Variants in AURKC observed in about 807,000 individuals in gnomAD.
The protein encoded by AURKC is aurora kinase C.
Under a neutral mutation model 29.2 loss-of-function variants are expected in AURKC, and 15 were observed. The observed-to-expected ratio is 0.51, with a 90% CI of 0.34 to 0.79. The LOEUF (loss-of-function observed/expected upper bound fraction) is 0.79, where lower values mean the gene tolerates loss of function less well. Ranked by LOEUF, AURKC falls within the 30% of genes least tolerant of loss-of-function variation. The probability of loss-of-function intolerance (pLI) is 0.01; values close to 1 mark genes in which losing one functional copy is unlikely to be tolerated. For missense variants in AURKC, 332 were observed against 383.2 expected (o/e 0.87, Z 1.12); for synonymous variants, 150 against 149.9 (o/e 1.00, Z -0.01).
Position 57,232,730 on chromosome 19 carries a change from G to A in AURKC, c.435+50G>A, listed in dbSNP as rs766370377. The A allele has an allele frequency of 4.3e-6, 7 of 1,611,388 alleles. No homozygotes were observed. In the East Asian group the frequency reaches 1.6e-4, roughly 36 times the overall value. On this transcript the variant is annotated intron_variant, in intron 4 of 6. Transcript: ENST00000302804. This position sits in a 1 kb window ranked among gnomAD's most constrained non-coding sequence, Gnocchi z 4.5. ...GGGGTCTCTGAGTTTACTGTGGGCT[G>A]GTGGGAGCTCTGTTTGTGGCTGTCA...
chr19:57,231,513 C>A, intron 1 of AURKC: 1 of 746,408 alleles, frequency 1.3e-6, no homozygotes, highest in Non-Finnish European at 2.3e-6. Context: ...CTCTCTGCCT[C>A]TTCTTCACCT....
At position 57,232,803 on chromosome 19, in the gene AURKC, T is replaced by G; in HGVS notation, c.435+123T>G. 1.5e-6 allele frequency: 2 copies of G among 1,322,566 alleles called. No individual in the cohort carries two copies. The highest frequency in any genetic ancestry group is 1.1e-6 in the Non-Finnish European group (1 of 936,746). 81.9% of individuals were successfully genotyped at this position (1,322,566 alleles called of 1,614,324 possible). A position where few individuals can be genotyped will look rare whatever the true frequency, so the allele number is the denominator to read the frequency against. The stretch of plus-strand genomic sequence containing the variant: ...AGAAGTTTACTTCTGAATGTTATTG[T>G]GTAAATTTAATATAATGGCACGTAT... On this transcript the variant is annotated intron_variant, in intron 4 of 6. Coordinates refer to ENST00000302804, the MANE Select transcript of AURKC (RefSeq NM_001015878.2). The surrounding 1 kb of genome is among the most constrained non-coding windows in gnomAD (Gnocchi z 4.5).
Position 57,234,921 on chromosome 19 carries a change from C to T in AURKC, c.622C>T (p.Pro208Ser). Reference protein sequence around the residue: ...TMCGTLDYLPPEMIEGRTYDE... With the variant: ...TMCGTLDYLPSEMIEGRTYDE... ...GTGTGGGACACTGGACTACTTGCCG[C>T]CAGAAATGATTGAGGGGAGAACATA... The change falls in exon 6 of 7, where the codon CCA (proline) becomes TCA (serine). Residue 208 changes from proline to serine, a missense_variant. By Grantham distance (74) the Pro-to-Ser change is moderately conservative. Transcript: ENST00000302804. 6.2e-7 allele frequency: 1 copy of T among 1,614,128 alleles called. No individual in the cohort carries two copies. Among genetic ancestry groups the T allele is most frequent in the Non-Finnish European group, 8.5e-7 (1 of 1,180,030 alleles).
chr19:57,231,082 G>T lies in AURKC; in HGVS notation c.-167G>T. The T allele has an allele frequency of 2.7e-6, 4 of 1,492,922 alleles. No individual in the cohort carries two copies. The highest frequency in any genetic ancestry group is 3.7e-6 in the Non-Finnish European group (4 of 1,092,698). 92.5% of individuals were successfully genotyped at this position (1,492,922 alleles called of 1,614,324 possible). A position where few individuals can be genotyped will look rare whatever the true frequency, so the allele number is the denominator to read the frequency against. Reference sequence around the variant, plus strand: ...CAGCCACGGCTGCTCACGACGCCGCGGATCCCGAAGCCTGTGTAGCAGTGA... The same window carrying T: ...CAGCCACGGCTGCTCACGACGCCGCTGATCCCGAAGCCTGTGTAGCAGTGA... On this transcript the variant is annotated 5_prime_UTR_variant, in exon 1 of 7. Transcript: ENST00000302804.
rs146186252 is a variant in AURKC, at chr19:57,232,035, G to A, written c.107G>A (p.Arg36Gln). 4.1e-5 allele frequency: 66 copies of A among 1,614,030 alleles called. 1 individual carries two copies. The highest frequency in any genetic ancestry group is 3.7e-4 in the South Asian group (34 of 91,068). Residue 36 changes from arginine (R) to glutamine (Q), a missense_variant and splice_region_variant, in exon 3 of 7, where the codon CGG becomes CAG. Coordinates refer to ENST00000302804, the MANE Select transcript of AURKC (RefSeq NM_001015878.2). The surrounding 1 kb of genome is among the most constrained non-coding windows in gnomAD (Gnocchi z 4.5). ...CTTTTTTCTTCCTCTCCTGTCAGGC[G>A]GCGCCTCACAGTCGATGACTTTGAA... ...TAQQPSSPAM[R>Q]RLTVDDFEIG...
At chr19:57,233,152 C>G (rs988986557) in intron 4 of AURKC, among the ~76,000 whole-genome samples, 3 of 152,166 alleles carry the variant, frequency 2.0e-5, no homozygotes, top group Admixed American at 2.0e-4. Flanking sequence ...TGTTTCACTT[C>G]CTCGGGCCTC....
chr19:57,235,061 G>A lies in AURKC; in HGVS notation c.759+3G>A. ...AGACTTACAGACGCATCCTCAAGGTGGGACAGTCACCTTTGGGCATTCATG... is the reference window on the plus strand; with the variant it reads ...AGACTTACAGACGCATCCTCAAGGTAGGACAGTCACCTTTGGGCATTCATG... On this transcript the variant is annotated splice_donor_region_variant and intron_variant, in intron 6 of 6. Transcript: ENST00000302804. 1 of 1,614,080 alleles carries A rather than the reference G, an allele frequency of 6.2e-7. No homozygotes were observed. The highest frequency in any genetic ancestry group is 8.5e-7 in the Non-Finnish European group (1 of 1,180,030).
chr19:57,232,099 G>T lies in AURKC; in HGVS notation c.171G>T (p.Val57=), dbSNP rs1353867831. ...RPLGKGKFGN[V]YLARLKESHF... ...TGGGCAAGGGGAAATTTGGGAATGT[G>T]TACCTGGCTCGGCTCAAGGAAAGCC... Residue 57 remains valine (V), a synonymous_variant, in exon 3 of 7, where the codon GTG becomes GTT. Coordinates refer to ENST00000302804, the MANE Select transcript of AURKC (RefSeq NM_001015878.2). The surrounding 1 kb of genome is among the most constrained non-coding windows in gnomAD (Gnocchi z 4.5). 5 of 1,613,998 alleles carry T rather than the reference G, an allele frequency of 3.1e-6. No homozygotes were observed. In the South Asian group the frequency reaches 5.5e-5, roughly 18 times the overall value.
Position 57,235,264 on chromosome 19 carries a change from A to G in AURKC, c.777A>G (p.Pro259=). 1 of 1,614,196 alleles carries G rather than the reference A, an allele frequency of 6.2e-7. No individual in the cohort carries two copies. The highest frequency in any genetic ancestry group is 8.5e-7 in the Non-Finnish European group (1 of 1,180,022). Residue 259 remains proline (P), a synonymous_variant, in exon 7 of 7, where the codon CCA becomes CCG. Transcript: ENST00000302804. ...RRILKVDVRF[P]LSMPLGARDL... ...CTCATCAGGTAGATGTGAGGTTTCC[A>G]CTATCAATGCCTCTGGGGGCCCGGG...
At chr19:57,234,795 C>T in intron 5 of AURKC, 89 bp from the exon 6 acceptor site, 4 of 1,521,344 alleles carry the variant, frequency 2.6e-6, no homozygotes, top group Non-Finnish European at 3.6e-6. Context: ...GTCCTAGGGT[C>T]TCCACATCTC....
intron 1 of AURKC, 179 bp downstream of exon 1, chr19:57,231,485 C>G (rs1432808976): frequency 7.7e-6 from 6 of 777,618 alleles, no homozygotes; most frequent in Non-Finnish European, 1.3e-5. Flanking sequence ...CTCCCCTACT[C>G]TCTCCTCCCC....
intron 1 of AURKC, 160 bp from the exon 2 acceptor site, chr19:57,231,582 C>T (rs189902236): frequency 1.7e-5 from 14 of 823,422 alleles, no homozygotes; most frequent in African/African-American, 1.4e-4. Flanking sequence ...CTCCCTCCCC[C>T]TCTCCCTGCC....
Position 57,231,320 on chromosome 19 carries a change from C to T in AURKC, c.58+14C>T. 1 of 1,552,482 alleles carries T rather than the reference C, an allele frequency of 6.4e-7. No homozygotes were observed. The highest frequency in any genetic ancestry group is 8.7e-7 in the Non-Finnish European group (1 of 1,147,520). On this transcript the variant is annotated intron_variant, in intron 1 of 6. Coordinates refer to ENST00000302804, the MANE Select transcript of AURKC (RefSeq NM_001015878.2). Reference sequence around the variant, plus strand: ...CAGGCGAAGAGTGTGAGAGCCAGCGCCAGAGAAAGGACGCAGGGAAGGCTG... The same window carrying T: ...CAGGCGAAGAGTGTGAGAGCCAGCGTCAGAGAAAGGACGCAGGGAAGGCTG...
chr19:57,234,915 T>C lies in AURKC; in HGVS notation c.616T>C (p.Leu206=). The change falls in exon 6 of 7, where the codon TTG becomes CTG. Residue 206 remains leucine, a synonymous_variant. Coordinates refer to ENST00000302804, the MANE Select transcript of AURKC (RefSeq NM_001015878.2). The part of the protein sequence containing the change: ...RKTMCGTLDY[L]PPEMIEGRTY... ...GACAATGTGTGGGACACTGGACTAC[T>C]TGCCGCCAGAAATGATTGAGGGGAG... 1 of 1,614,208 alleles carries C rather than the reference T, an allele frequency of 6.2e-7. No individual in the cohort carries two copies. The highest frequency in any genetic ancestry group is 1.3e-5 in the African/African-American group (1 of 75,034).
Position 57,235,513 on chromosome 19 carries a change from G to GA in AURKC, c.*97dup, listed in dbSNP as rs2087538343. On this transcript the variant is annotated 3_prime_UTR_variant, in exon 7 of 7. Transcript: ENST00000302804. ...TATTTTTTTCTCTTTTAAGATGTAA[G>GA]ATGCTAATTAATAAAAGCTGAATCA... 7 of 1,442,888 alleles carry GA rather than the reference G, an allele frequency of 4.9e-6. No homozygotes were observed. In the East Asian group the frequency reaches 1.4e-4, roughly 28 times the overall value. 89.4% of individuals were successfully genotyped at this position (1,442,888 alleles called of 1,614,324 possible).
Position 57,232,455 on chromosome 19 carries a change from T to C in AURKC, c.297-87T>C, listed in dbSNP as rs890503463. The C allele has an allele frequency of 2.4e-5, 39 of 1,593,092 alleles. No individual in the cohort carries two copies. The highest frequency in any genetic ancestry group is 3.3e-5 in the Non-Finnish European group (38 of 1,164,138). ...GTTGTTATTCTGGTCCCAGCATAAT[T>C]TGCCACTTGTGTGACCAGGCAGTGA... On this transcript the variant is annotated intron_variant, in intron 3 of 6. Transcript: ENST00000302804. This position sits in a 1 kb window ranked among gnomAD's most constrained non-coding sequence, Gnocchi z 4.5.
chr19:57,231,991 C>T (rs779601752), intron 2 of AURKC, 42 bp from the exon 3 acceptor site: 3 of 1,613,160 alleles, frequency 1.9e-6, no homozygotes, highest in Non-Finnish European at 2.5e-6. Context: ...CTCCGCCTAC[C>T]CTACCTCCCA....
rs747446995 is a variant in AURKC, at chr19:57,233,628, T to C, written c.584+20T>C. ...CCTGAGGTAGGTCAGGTGGTGGTGGTAGGGTGAGTTCTGAGTACCAGTTAG... is the reference window on the plus strand; with the variant it reads ...CCTGAGGTAGGTCAGGTGGTGGTGGCAGGGTGAGTTCTGAGTACCAGTTAG... On this transcript the variant is annotated intron_variant, in intron 5 of 6. Transcript: ENST00000302804. 1 of 1,613,166 alleles carries C rather than the reference T, an allele frequency of 6.2e-7. No homozygotes were observed.
rs1456767327 is a variant in AURKC at position 57,232,048 on chromosome 19, C to T, written c.120C>T (p.Val40=). Reference sequence around the variant, plus strand: ...CTCCTGTCAGGCGGCGCCTCACAGTCGATGACTTTGAAATCGGGCGTCCCC... The same window carrying T: ...CTCCTGTCAGGCGGCGCCTCACAGTTGATGACTTTGAAATCGGGCGTCCCC... The part of the protein sequence containing the change: ...PSSPAMRRLT[V]DDFEIGRPLG... Residue 40 remains valine, a synonymous_variant, in exon 3 of 7, where the codon GTC becomes GTT. Coordinates refer to ENST00000302804, the MANE Select transcript of AURKC (RefSeq NM_001015878.2). This position sits in a 1 kb window ranked among gnomAD's most constrained non-coding sequence, Gnocchi z 4.5. The T allele has an allele frequency of 1.9e-6, 3 of 1,613,958 alleles. No individual in the cohort carries two copies. Among genetic ancestry groups the T allele is most frequent in the African/African-American group, 2.7e-5 (2 of 74,878 alleles).
Sources: allele counts gnomAD v4.1 joint callset (sites outside exome capture counted in the v4.1 genomes callset), GRCh38; gene constraint gnomAD v4.1.1; non-coding constraint Gnocchi (gnomAD v3.1); transcripts MANE v1.5; gene names NCBI Gene and HGNC (gene_info 2026-07-23, HGNC 2026-07-21).